The following OSCP1 variants were observed in gnomAD, a reference collection of about 807,000 sequenced individuals.
OSCP1 encodes the protein organic solute carrier partner 1, also known as protein OSCP1.
A neutral mutation model predicts 45.1 loss-of-function variants in OSCP1; 35 were observed. The ratio of observed to expected loss-of-function variants is 0.78; its 90% confidence interval spans 0.59 to 1.03. The LOEUF (loss-of-function observed/expected upper bound fraction) is 1.03, where lower values mean the gene tolerates loss of function less well. OSCP1 is among the 50% of genes least tolerant of loss of function. OSCP1 has a pLI of 0.00. For missense variants in OSCP1, 400 were observed against 470.7 expected, an observed-to-expected ratio of 0.85 and a Z score of 1.39; for synonymous variants, 179 against 180.1, an observed-to-expected ratio of 0.99 and a Z score of 0.05.
chr1:36,432,701 A>AT, intron 2 of OSCP1, 112 bp from the exon 3 acceptor site: 1 of 1,278,160 alleles, frequency 7.8e-7, no homozygotes, highest in East Asian at 2.4e-5. Flanking sequence ...TGGGCTTGCC[A>AT]TACAGCTCGG....
chr1:36,449,605 G>C (rs182330619), intron 1 of OSCP1, among the ~76,000 whole-genome samples: 87 of 152,048 alleles, frequency 5.7e-4, no homozygotes, highest in African/African-American at 2.0e-3. Context: ...GGGAGGCCGA[G>C]GGGGGCAGAT....
chr1:36,450,197 G>A (rs888679420), intron 1 of OSCP1, 61 bp downstream of exon 1: 16 of 1,380,816 alleles, frequency 1.2e-5, no homozygotes, highest in Non-Finnish European at 1.6e-5. Context: ...GTGTTAGGGC[G>A]ATGATGAGAG....
Position 36,431,809 on chromosome 1 carries a change from T to A in OSCP1, c.509A>T (p.His170Leu). 1 of 1,613,572 alleles carries A rather than the reference T, an allele frequency of 6.2e-7. No individual in the cohort carries two copies. ...GGCTGCCTATTGACTTACTCGGATGTGCAGGTCTTGGAAGAAGATGAGGAG... is the reference window on the plus strand; with the variant it reads ...GGCTGCCTATTGACTTACTCGGATGAGCAGGTCTTGGAAGAAGATGAGGAG... ...QTLLIFFQDL[H>L]IRVSMFLKDK... The change falls in exon 4 of 10, where the codon CAC becomes CTC. Residue 170 changes from histidine (H) to leucine (L), a missense_variant. Physicochemically the swap from His to Leu is moderately conservative, Grantham distance 99 (BLOSUM62 -3). Transcript: ENST00000235532.
In OSCP1 at chr1:36,430,296, C is replaced by T. The variant is rs184282771; in HGVS notation, c.516+1506G>A. 3.2e-3 allele frequency among the ~76,000 whole-genome samples: 483 copies of T among 152,274 alleles called. 2 individuals are homozygous for T. Among genetic ancestry groups the T allele is most frequent in the African/African-American group, 0.011 (463 of 41,562 alleles). Reference sequence around the variant, plus strand: ...GCTCAAGTGATCCGTCCACCTTGGCCTCCCAAAGTGCTAGGATTACAGGCA... The same window carrying T: ...GCTCAAGTGATCCGTCCACCTTGGCTTCCCAAAGTGCTAGGATTACAGGCA... On this transcript the variant is annotated intron_variant, in intron 4 of 9. Coordinates refer to ENST00000235532, the MANE Select transcript of OSCP1 (RefSeq NM_145047.5).
chr1:36,429,441 A>G (rs957758470), intron 4 of OSCP1, among the ~76,000 whole-genome samples: 9 of 151,004 alleles, frequency 6.0e-5, no homozygotes, highest in Admixed American at 5.9e-4. Flanking sequence ...TTGTTTTACC[A>G]TATCATACCA....
rs560246425 is a variant in OSCP1 at position 36,448,266 on chromosome 1, A to G, written c.112+1992T>C. On this transcript the variant is annotated intron_variant, in intron 1 of 9. Coordinates refer to ENST00000235532, the MANE Select transcript of OSCP1 (RefSeq NM_145047.5). ...AATTGCTAATTTACACTATCTTCCA[A>G]GATGCAGACTACCTACCAGTCTGAG... is the stretch of plus-strand genomic sequence containing the variant. 3.9e-5 allele frequency among the ~76,000 whole-genome samples: 6 copies of G among 152,288 alleles called. No individual in the cohort carries two copies. The South Asian group carries it at 1.2e-3, about 32-fold the overall frequency.
intron 1 of OSCP1, among the ~76,000 whole-genome samples, chr1:36,449,177 C>T (rs1007124988): frequency 3.9e-5 from 6 of 152,124 alleles, no homozygotes; most frequent in African/African-American, 9.7e-5. Context: ...TTCAACTTTT[C>T]CTCCTCCACT....
At chr1:36,441,729 T>TA (rs1557566007) in intron 1 of OSCP1, among the ~76,000 whole-genome samples, 1 of 105,994 alleles carries the variant, frequency 9.4e-6, no homozygotes, top group African/African-American at 3.8e-5. Flanking sequence ...CCAGCCTGGG[T>TA]AACAGAGCGA....
intron 2 of OSCP1, among the ~76,000 whole-genome samples, chr1:36,435,362 G>C (rs993131744): frequency 6.6e-6 from 1 of 151,860 alleles, no homozygotes; most frequent in East Asian, 1.9e-4. Flanking sequence ...GCCCAGGCTG[G>C]TGTTGAACTC....
rs754942961 is a variant in OSCP1, at chr1:36,423,376, G to C, written c.607C>G (p.Pro203Ala). The change falls in exon 5 of 10, where the codon CCA (proline) becomes GCA (alanine). Residue 203 changes from proline (P) to alanine (A), a missense_variant. Physicochemically the swap from Pro to Ala is conservative, Grantham distance 27 (BLOSUM62 -1). Coordinates refer to ENST00000235532, the MANE Select transcript of OSCP1 (RefSeq NM_145047.5). ...TTGGGAATTCACCTGATGAGTCCTG[G>C]AACTTCAGTTCCCCAAGGAACAGGC... The part of the protein sequence containing the change: ...SGPVPWGTEV[P>A]GLIRMFNNKG... 2.2e-5 allele frequency: 36 copies of C among 1,609,544 alleles called. No homozygotes were observed. The highest frequency in any genetic ancestry group is 3.0e-5 in the Non-Finnish European group (35 of 1,176,152).
chr1:36,438,671 A>G (rs1648919291), intron 2 of OSCP1, 85 bp downstream of exon 2: 1 of 1,472,714 alleles, frequency 6.8e-7, no homozygotes. Context: ...CATTGCATAC[A>G]TCATCTCATG....
rs1649615531 is a variant in OSCP1 at position 36,447,442 on chromosome 1, A to G, written c.112+2816T>C. 1.3e-5 allele frequency among the ~76,000 whole-genome samples: 2 copies of G among 152,174 alleles called. No individual in the cohort carries two copies. Among genetic ancestry groups the G allele is most frequent in the Non-Finnish European group, 2.9e-5 (2 of 68,028 alleles). ...TCCCCAAGGTATGGCAGCAGAGTAT[A>G]GTGGTTATAGTAAGGGGACTAAGTG... is the stretch of plus-strand genomic sequence containing the variant. On this transcript the variant is annotated intron_variant, in intron 1 of 9. Coordinates refer to ENST00000235532, the MANE Select transcript of OSCP1 (RefSeq NM_145047.5). The surrounding 1 kb of genome is among the most constrained non-coding windows in gnomAD (Gnocchi z 4.1).
chr1:36,425,792 C>G (rs1647928455), intron 4 of OSCP1, among the ~76,000 whole-genome samples: 1 of 150,952 alleles, frequency 6.6e-6, no homozygotes, highest in African/African-American at 2.4e-5. Context: ...AAATGGTAGC[C>G]AATACTCTTA....
At chr1:36,422,711 TTTTA>T in intron 6 of OSCP1, 53 bp downstream of exon 6, 1 of 1,428,138 alleles carries the variant, frequency 7.0e-7, no homozygotes. Context: ...CTTTTTTTTT[TTTTA>T]AATGAAGTGA....
At chr1:36,432,343 T>C in intron 3 of OSCP1, 79 bp downstream of exon 3, 1 of 1,499,138 alleles carries the variant, frequency 6.7e-7, no homozygotes, top group Non-Finnish European at 9.1e-7. Context: ...GTTCTCTCTG[T>C]CATAGATCTA....
rs1223577856 is a variant in OSCP1 at position 36,438,758 on chromosome 1, T to A, written c.265A>T (p.Lys89Ter). 1 of 1,604,030 alleles carries A rather than the reference T, an allele frequency of 6.2e-7. No homozygotes were observed. The highest frequency in any genetic ancestry group is 1.1e-5 in the South Asian group (1 of 89,318). ...IMKLNQASMD[K>*]LYDLMTMAFK... ...GACAAAGGCAGCTGTCTGCTCACCT[T>A]ATCCATGCTGGCCTGGTTCAGTTTC... The change falls in exon 2 of 10, where the codon AAG becomes TAG. Residue 89 changes from lysine (K) to a stop codon, truncating the protein, a stop_gained and splice_region_variant. Coordinates refer to ENST00000235532, the MANE Select transcript of OSCP1 (RefSeq NM_145047.5). LOFTEE classifies it high-confidence loss of function.
chr1:36,448,933 C>G (rs1557573298), intron 1 of OSCP1, among the ~76,000 whole-genome samples: 1 of 152,134 alleles, frequency 6.6e-6, no homozygotes, highest in East Asian at 1.9e-4. Flanking sequence ...CAAGTTTGGA[C>G]AGATACACAT....
chr1:36,443,897 C>T, intron 1 of OSCP1: 1 of 1,296,480 alleles, frequency 7.7e-7, no homozygotes. Context: ...TATTTTCTTA[C>T]TTTGACTTTG....
rs1303626284 is a variant in OSCP1 at position 36,450,134 on chromosome 1, A to G, written c.112+124T>C. On this transcript the variant is annotated intron_variant, in intron 1 of 9. Coordinates refer to ENST00000235532, the MANE Select transcript of OSCP1 (RefSeq NM_145047.5). ...GCTCCAAATGGATGTGGCTTGTAAG[A>G]AAGGTCCCTGGTTATAAGAGTGAAG... 9.2e-6 allele frequency: 7 copies of G among 762,528 alleles called. No homozygotes were observed. The East Asian group carries it at 1.3e-4, about 14-fold the overall frequency. The allele number at this position is 762,528 out of a possible 1,614,324, so 47.2% of individuals were successfully genotyped here.
Sources: allele counts gnomAD v4.1 joint callset (sites outside exome capture counted in the v4.1 genomes callset), GRCh38; gene constraint gnomAD v4.1.1; non-coding constraint Gnocchi (gnomAD v3.1); transcripts MANE v1.5; gene names NCBI Gene and HGNC (gene_info 2026-07-23, HGNC 2026-07-21).